DLG2: variants seen among roughly 807,000 people sequenced by gnomAD.
DLG2 encodes the protein disks large homolog 2.
A neutral mutation model predicts 132.5 loss-of-function variants in DLG2; 45 were observed. The observed-to-expected ratio is 0.34, with a 90% CI of 0.27 to 0.44. The LOEUF (loss-of-function observed/expected upper bound fraction) is 0.44, where lower values mean the gene tolerates loss of function less well. Ranked by LOEUF, DLG2 falls within the 20% of genes least tolerant of loss-of-function variation. The probability of loss-of-function intolerance (pLI) is 1.00; values close to 1 mark genes in which losing one functional copy is unlikely to be tolerated. For missense variants in DLG2, 1,045 were observed against 1,196.9 expected, an observed-to-expected ratio of 0.87 and a Z score of 1.87; for synonymous variants, 424 against 419.6, an observed-to-expected ratio of 1.01 and a Z score of -0.13.
At chr11:83,727,530 T>C (rs562160308) in intron 18 of DLG2, among the ~76,000 whole-genome samples, 1 of 152,328 alleles carries the variant, frequency 6.6e-6, no homozygotes, top group African/African-American at 2.4e-5. Context: ...TCATTATTAC[T>C]TGGCTCCCCT....
intron 6 of DLG2, among the ~76,000 whole-genome samples, chr11:84,966,226 CTGTT>C (rs2053318885): frequency 6.6e-6 from 1 of 151,986 alleles, no homozygotes; most frequent in South Asian, 2.1e-4. Context: ...ATCTGTCTGT[CTGTT>C]TGTATATCTA....
intron 6 of DLG2, among the ~76,000 whole-genome samples, chr11:84,645,149 T>A (rs1300347534): frequency 6.6e-6 from 1 of 152,172 alleles, no homozygotes; most frequent in Non-Finnish European, 1.5e-5. Context: ...GGGAACTGGT[T>A]ATGAAGGGAG....
intron 6 of DLG2, among the ~76,000 whole-genome samples, chr11:84,681,112 C>A (rs759188723): frequency 2.6e-5 from 4 of 152,182 alleles, no homozygotes; most frequent in African/African-American, 4.8e-5. Flanking sequence ...TTATTTCACA[C>A]AGTTGCTAAA....
rs56393387 is a variant in DLG2 at position 84,528,236 on chromosome 11, A to G, written c.519+6334T>C. Among the ~76,000 whole-genome samples, 929 of 152,290 alleles carry G rather than the reference A, an allele frequency of 6.1e-3. 5 individuals are homozygous for G. The highest frequency in any genetic ancestry group is 0.017 in the Middle Eastern group (5 of 294). On this transcript the variant is annotated intron_variant, in intron 7 of 27. Coordinates refer to ENST00000376104, the MANE Select transcript of DLG2 (RefSeq NM_001142699.3). Reference sequence around the variant, plus strand: ...TCTTTTATGAAAGATTCTAGGTAGCATCTGAAGAGAATGCATCCCCACCTT... The same window carrying G: ...TCTTTTATGAAAGATTCTAGGTAGCGTCTGAAGAGAATGCATCCCCACCTT...
intron 6 of DLG2, among the ~76,000 whole-genome samples, chr11:84,885,198 T>C (rs1370601874): frequency 6.6e-6 from 1 of 151,872 alleles, no homozygotes; most frequent in Admixed American, 6.6e-5. Flanking sequence ...GTTTGCATAC[T>C]GGAGGACAAA....
At chr11:84,231,189 G>T (rs1173798678) in intron 8 of DLG2, among the ~76,000 whole-genome samples, 2 of 152,062 alleles carry the variant, frequency 1.3e-5, no homozygotes, top group African/African-American at 4.8e-5. Context: ...TAATATAATG[G>T]TTGGCGCTAC....
At chr11:83,561,977 C>T (rs2508717) in intron 19 of DLG2, among the ~76,000 whole-genome samples, 67,055 of 147,476 alleles carry the variant, frequency 0.45, 15,664 homozygotes, top group Admixed American at 0.56. Context: ...CAACCTTCAC[C>T]TCCCGGGTTC....
At chr11:84,095,589 T>C (rs2097154862) in intron 10 of DLG2, among the ~76,000 whole-genome samples, 1 of 152,218 alleles carries the variant, frequency 6.6e-6, no homozygotes, top group Non-Finnish European at 1.5e-5. Context: ...ATGGTGTTAC[T>C]GTCTCTTAGC....
chr11:85,073,003 G>A (rs956948865), intron 6 of DLG2, among the ~76,000 whole-genome samples: 1 of 151,688 alleles, frequency 6.6e-6, no homozygotes, highest in African/African-American at 2.4e-5. Flanking sequence ...GCTTTTATGT[G>A]GAATGACAAG....
rs1283636496 is a variant in DLG2 at position 84,522,231 on chromosome 11, A to AAGC, written c.519+12336_519+12338dup. On this transcript the variant is annotated intron_variant, in intron 7 of 27. Transcript: ENST00000376104. ...AAAAAATTTATTCACATGTAATATG[A>AAGC]AGCAGTGAAACTAGAAAATCTCTAA... Among the ~76,000 whole-genome samples the AAGC allele has an allele frequency of 2.6e-5, 4 of 152,170 alleles. No homozygotes were observed. In the East Asian group the frequency reaches 7.7e-4, roughly 29 times the overall value.
At chr11:85,517,690 T>C (rs764243583) in intron 3 of DLG2, among the ~76,000 whole-genome samples, 1 of 152,006 alleles carries the variant, frequency 6.6e-6, no homozygotes, top group Non-Finnish European at 1.5e-5. Flanking sequence ...GCTCGCTCAC[T>C]GCAGTCTTGA....
At chr11:84,126,973 G>A (rs1285987110) in intron 9 of DLG2, among the ~76,000 whole-genome samples, 2 of 152,160 alleles carry the variant, frequency 1.3e-5, no homozygotes. Context: ...CATACTCTGT[G>A]GGAGCAGCAA....
At position 83,456,918 on chromosome 11, in the gene DLG2, C is replaced by G. The variant is rs931153996; in HGVS notation, c.*2900G>C. ...CTGCAAATAAATAGCCAAGAAATCC[C>G]GCAAAAGGCCTGCAAATAAATGGCC... is the stretch of plus-strand genomic sequence containing the variant. On this transcript the variant is annotated 3_prime_UTR_variant, in exon 28 of 28. Transcript: ENST00000376104. The G allele has an allele frequency of 6.6e-6, 1 of 152,556 alleles. No homozygotes were observed. Among genetic ancestry groups the G allele is most frequent in the South Asian group, 2.1e-4 (1 of 4,822 alleles). The allele number at this position is 152,556 out of a possible 1,614,324, so 9.5% of individuals were successfully genotyped here. A position where few individuals can be genotyped will look rare whatever the true frequency, so the allele number is the denominator to read the frequency against.
chr11:85,357,577 C>T (rs916828158), intron 3 of DLG2, among the ~76,000 whole-genome samples: 2 of 139,986 alleles, frequency 1.4e-5, no homozygotes, highest in Non-Finnish European at 3.0e-5. Flanking sequence ...CTGGCTTCCT[C>T]TTTTCCTGAC....
At chr11:85,104,254 G>T (rs2071333983) in intron 6 of DLG2, among the ~76,000 whole-genome samples, 2 of 151,804 alleles carry the variant, frequency 1.3e-5, no homozygotes, top group South Asian at 4.1e-4. Flanking sequence ...ACAAAAACTT[G>T]CACAAAAATA....
At chr11:83,625,419 GA>G (rs2062348730) in intron 19 of DLG2, among the ~76,000 whole-genome samples, 1 of 152,186 alleles carries the variant, frequency 6.6e-6, no homozygotes, top group Non-Finnish European at 1.5e-5. Context: ...GAAGTAGAGT[GA>G]AAAGACATGT....
intron 3 of DLG2, among the ~76,000 whole-genome samples, chr11:85,419,415 T>G (rs2090120326): frequency 1.3e-5 from 2 of 152,346 alleles, no homozygotes; most frequent in Admixed American, 1.3e-4. Context: ...GGATTGCTCT[T>G]CTTGAGGAGT....
At chr11:84,217,587 A>T (rs957519322) in intron 8 of DLG2, among the ~76,000 whole-genome samples, 24 of 152,212 alleles carry the variant, frequency 1.6e-4, no homozygotes, top group African/African-American at 5.5e-4. Context: ...CATCAATAGC[A>T]CACTAATATT....
intron 6 of DLG2, among the ~76,000 whole-genome samples, chr11:84,941,042 T>C (rs903269501): frequency 3.9e-5 from 6 of 152,218 alleles, no homozygotes; most frequent in Non-Finnish European, 8.8e-5. Flanking sequence ...ACTGTAGGTA[T>C]ACAAATTTAT....
Sources: gnomAD v4.1 joint callset for allele counts (sites outside exome capture counted in the v4.1 genomes callset) on GRCh38, gnomAD v4.1.1 for gene constraint, MANE v1.5 for transcripts, NCBI Gene and HGNC (gene_info 2026-07-23, HGNC 2026-07-21) for gene names.